The following ATF7IP2 variants were observed in gnomAD, a reference collection of about 807,000 sequenced individuals.
The protein encoded by ATF7IP2 is activating transcription factor 7 interacting protein 2.
Under a neutral mutation model 64.2 loss-of-function variants are expected in ATF7IP2, and 42 were observed. That is an observed-to-expected ratio of 0.65 (90% CI 0.51 to 0.85). The LOEUF is 0.85. Among genes scored for constraint, ATF7IP2 ranks in the 40% least tolerant of loss-of-function variants. The probability of loss-of-function intolerance (pLI) is 0.00; values close to 1 mark genes in which losing one functional copy is unlikely to be tolerated. For missense variants in ATF7IP2, 933 were observed against 784.2 expected (o/e 1.19, Z -2.27); for synonymous variants, 308 against 272.8 (o/e 1.13, Z -1.27).
At chr16:10,451,905 T>C (rs924724069) in intron 8 of ATF7IP2, among the ~76,000 whole-genome samples, 8 of 151,934 alleles carry the variant, frequency 5.3e-5, no homozygotes, top group African/African-American at 1.7e-4. Context: ...TACAAAAAAG[T>C]AGCTGGGCGT....
chr16:10,397,176 A>G (rs1186296300), intron 1 of ATF7IP2, among the ~76,000 whole-genome samples: 1 of 152,056 alleles, frequency 6.6e-6, no homozygotes, highest in African/African-American at 2.4e-5. Context: ...ATTCTGTTCC[A>G]TTGGTTATGT....
rs151053241 is a variant in ATF7IP2 at position 10,482,036 on chromosome 16, C to T, written c.1836C>T (p.His612=). ...NPKCAPVESY[H]LFLCHENSNN... ...AGTGTGCTCCTGTAGAAAGCTACCA[C>T]CTCTTCCTGTGTCATGAGAACTCTA... Residue 612 remains histidine, a synonymous_variant, in exon 14 of 14, where the codon CAC becomes CAT. Coordinates refer to ENST00000562102, the MANE Select transcript of ATF7IP2 (RefSeq NM_001393719.1). The T allele has an allele frequency of 1.9e-6, 3 of 1,613,794 alleles. No individual in the cohort carries two copies. Among genetic ancestry groups the T allele is most frequent in the Non-Finnish European group, 1.7e-6 (2 of 1,179,868 alleles).
intron 1 of ATF7IP2, among the ~76,000 whole-genome samples, chr16:10,413,683 T>C (rs1276739101): frequency 6.6e-6 from 1 of 152,230 alleles, no homozygotes; most frequent in African/African-American, 2.4e-5. Flanking sequence ...GAGATTTGTT[T>C]CAAGATTTAG....
At chr16:10,442,098 G>C (rs1158700709) in intron 8 of ATF7IP2, among the ~76,000 whole-genome samples, 2 of 152,196 alleles carry the variant, frequency 1.3e-5, no homozygotes, top group African/African-American at 4.8e-5. Flanking sequence ...ATTTAGAATA[G>C]GATAAAGAAC....
intron 9 of ATF7IP2, among the ~76,000 whole-genome samples, chr16:10,471,672 G>T (rs1158031093): frequency 6.6e-6 from 1 of 152,144 alleles, no homozygotes; most frequent in Admixed American, 6.5e-5. Flanking sequence ...AGTAGTAGCA[G>T]TTCTTTTTAA....
chr16:10,472,225 G>T, intron 10 of ATF7IP2, 42 bp downstream of exon 10: 2 of 1,032,686 alleles, frequency 1.9e-6, no homozygotes, highest in South Asian at 1.9e-5. Context: ...CAAGTTAGAA[G>T]GCCTTAAATC....
intron 3 of ATF7IP2, among the ~76,000 whole-genome samples, chr16:10,423,762 C>T (rs764963683): frequency 6.6e-6 from 1 of 152,192 alleles, no homozygotes; most frequent in Non-Finnish European, 1.5e-5. Flanking sequence ...CCTTCCTCCT[C>T]CTCATCAGTG....
chr16:10,454,969 A>G (rs972497649), intron 8 of ATF7IP2, among the ~76,000 whole-genome samples: 3 of 152,172 alleles, frequency 2.0e-5, no homozygotes, highest in African/African-American at 7.2e-5. Context: ...AACTTATTTT[A>G]TAGTCCAGCA....
chr16:10,464,226 G>A (rs1215461721), intron 9 of ATF7IP2, among the ~76,000 whole-genome samples: 1 of 152,128 alleles, frequency 6.6e-6, no homozygotes, highest in African/African-American at 2.4e-5. Flanking sequence ...TGTCCTTCAT[G>A]TACTTTTGTA....
intron 1 of ATF7IP2, among the ~76,000 whole-genome samples, chr16:10,409,065 A>G (rs1047225095): frequency 6.6e-6 from 1 of 152,204 alleles, no homozygotes; most frequent in Admixed American, 6.5e-5. Context: ...AAAGGAGAGA[A>G]AGGGTTATTC....
chr16:10,467,851 C>A (rs1046405334), intron 9 of ATF7IP2, among the ~76,000 whole-genome samples: 7 of 150,988 alleles, frequency 4.6e-5, no homozygotes, highest in African/African-American at 1.5e-4. Flanking sequence ...TGGCGCCCAG[C>A]CAAAAATCAG....
At chr16:10,446,870 G>A (rs540838040) in intron 8 of ATF7IP2, 14 of 152,266 alleles carry the variant, frequency 9.2e-5, no homozygotes, top group African/African-American at 3.4e-4. Context: ...GGAAGTTTGT[G>A]TGAGGCTCAA....
chr16:10,417,854 A>G (rs1172972248), intron 2 of ATF7IP2, among the ~76,000 whole-genome samples: 2 of 152,164 alleles, frequency 1.3e-5, no homozygotes, highest in African/African-American at 4.8e-5. Flanking sequence ...CCAGAAATAC[A>G]CCTTCTCATT....
intron 1 of ATF7IP2, among the ~76,000 whole-genome samples, chr16:10,392,355 A>T (rs1197961895): frequency 3.8e-4 from 53 of 141,184 alleles, no homozygotes; most frequent in Non-Finnish European, 6.0e-4. Context: ...TTTTTTTTTT[A>T]AACTGGAGAT....
At chr16:10,461,662 A>C (rs2049379289) in intron 9 of ATF7IP2, among the ~76,000 whole-genome samples, 2 of 152,158 alleles carry the variant, frequency 1.3e-5, no homozygotes, top group South Asian at 4.1e-4. Flanking sequence ...AGGGATTCTA[A>C]GCTGGATAGT....
At chr16:10,426,187 C>T (rs759053937) in intron 3 of ATF7IP2, among the ~76,000 whole-genome samples, 47 of 152,146 alleles carry the variant, frequency 3.1e-4, no homozygotes, top group Non-Finnish European at 8.8e-5. Flanking sequence ...GCATGTGTTA[C>T]AGGACAGTAT....
At chr16:10,429,280 G>A (rs1211108357) in intron 4 of ATF7IP2, among the ~76,000 whole-genome samples, 1 of 152,118 alleles carries the variant, frequency 6.6e-6, no homozygotes, top group Admixed American at 6.5e-5. Context: ...AATTGTATAG[G>A]CATATTAGGG....
chr16:10,464,821 C>G (rs1180328212), intron 9 of ATF7IP2, among the ~76,000 whole-genome samples: 1 of 152,046 alleles, frequency 6.6e-6, no homozygotes, highest in Non-Finnish European at 1.5e-5. Flanking sequence ...TCTTTTGTTG[C>G]TGCTGTTGTT....
intron 2 of ATF7IP2, 44 bp downstream of exon 2, chr16:10,414,656 T>C (rs1318454327): frequency 4.8e-5 from 3 of 62,440 alleles, no homozygotes; most frequent in African/African-American, 2.9e-4. Flanking sequence ...TGTGTGTGTG[T>C]GTGTGTTTGG....
Sources: allele counts gnomAD v4.1 joint callset (sites outside exome capture counted in the v4.1 genomes callset), GRCh38; gene constraint gnomAD v4.1.1; transcripts MANE v1.5; gene names NCBI Gene and HGNC (gene_info 2026-07-23, HGNC 2026-07-21).